The following MICALL2 variants were observed in gnomAD, a reference collection of about 807,000 sequenced individuals.
MICALL2 encodes the protein MICAL like 2, also known as MICAL-like protein 2.
MICALL2 carries 111 observed loss-of-function variants against 91.1 expected under a neutral mutation model. That is an observed-to-expected ratio of 1.22 (90% confidence interval 1.04 to 1.43). The LOEUF is 1.43. MICALL2 is among the 40% of genes most tolerant of loss of function. The pLI, the probability that MICALL2 is intolerant of heterozygous loss-of-function variation, is 0.00. For synonymous variants in MICALL2, 694 were observed against 525.3 expected (o/e 1.32, Z -4.39); for missense variants, 1,556 against 1,236.0 (o/e 1.26, Z -3.88).
rs1780864451 is a variant in MICALL2, at chr7:1,452,320, G to A, written c.144-2032C>T. 1.3e-5 allele frequency among the ~76,000 whole-genome samples: 2 copies of A among 152,148 alleles called. No homozygotes were observed. The highest frequency in any genetic ancestry group is 4.8e-5 in the African/African-American group (2 of 41,436). ...GTCTGCCTGGGCTTGTCCCCCGAGAGGGTGTGACCCGAGGGCACGTGGGTG... is the reference window on the plus strand; with the variant it reads ...GTCTGCCTGGGCTTGTCCCCCGAGAAGGTGTGACCCGAGGGCACGTGGGTG... On this transcript the variant is annotated intron_variant, in intron 1 of 16. Transcript: ENST00000297508. This position sits in a 1 kb window ranked among gnomAD's most constrained non-coding sequence, Gnocchi z 6.2.
At chr7:1,445,754 C>A (rs1780544669) in intron 5 of MICALL2, among the ~76,000 whole-genome samples, 1 of 152,186 alleles carries the variant, frequency 6.6e-6, no homozygotes, top group Non-Finnish European at 1.5e-5. Flanking sequence ...ACCCACAGGC[C>A]ACCCCAGGCC....
chr7:1,451,289 C>A lies in MICALL2; in HGVS notation c.144-1001G>T, dbSNP rs531865793. Among the ~76,000 whole-genome samples, 3 of 152,270 alleles carry A rather than the reference C, an allele frequency of 2.0e-5. No individual in the cohort carries two copies. In the South Asian group the frequency reaches 6.2e-4, roughly 32 times the overall value. ...GAAAACACACCAAGATCCCAGGAGG[C>A]CCCAGCCCAGCCCCAGGCCCTCCGA... On this transcript the variant is annotated intron_variant, in intron 1 of 16. Transcript: ENST00000297508. The surrounding 1 kb of genome is among the most constrained non-coding windows in gnomAD (Gnocchi z 4.5).
chr7:1,455,771 A>G (rs1195790979), intron 1 of MICALL2, among the ~76,000 whole-genome samples: 1 of 152,034 alleles, frequency 6.6e-6, no homozygotes, highest in South Asian at 2.1e-4. Context: ...TGCAGCAGGA[A>G]GGACTAAGGC....
At chr7:1,456,089 C>T (rs1584238101) in intron 1 of MICALL2, among the ~76,000 whole-genome samples, 2 of 151,812 alleles carry the variant, frequency 1.3e-5, no homozygotes, top group South Asian at 4.1e-4. Flanking sequence ...GCTGAGGGCA[C>T]GGGATGGGGG....
Position 1,438,617 on chromosome 7 carries a change from A to G in MICALL2, c.2122+223T>C, listed in dbSNP as rs878961944. On this transcript the variant is annotated intron_variant, in intron 10 of 16. Coordinates refer to ENST00000297508, the MANE Select transcript of MICALL2 (RefSeq NM_182924.4). The stretch of plus-strand genomic sequence containing the variant: ...CAGTCCCTCAAGCTGCCAGAAGCAG[A>G]CATTCCATCATCACCATGAGTCTGT... 28 of 1,420,004 alleles carry G rather than the reference A, an allele frequency of 2.0e-5. No homozygotes were observed. The South Asian group carries it at 4.2e-4, about 21-fold the overall frequency. The allele number at this position is 1,420,004 out of a possible 1,614,324, so 88.0% of individuals were successfully genotyped here.
rs2128523440 is a variant in MICALL2, at chr7:1,446,960, T to C, written c.526-132A>G. The C allele has an allele frequency of 7.5e-6, 5 of 667,596 alleles. No homozygotes were observed. In the Admixed American group the frequency reaches 1.4e-4, roughly 19 times the overall value. 41.4% of individuals were successfully genotyped at this position (667,596 alleles called of 1,614,324 possible). A position where few individuals can be genotyped will look rare whatever the true frequency, so the allele number is the denominator to read the frequency against. On this transcript the variant is annotated intron_variant, in intron 4 of 16. Coordinates refer to ENST00000297508, the MANE Select transcript of MICALL2 (RefSeq NM_182924.4). ...CCAGGAGAGGAGCCGCCAGCAGGGC[T>C]GCGGTCGGGGTCACACCCAGGTGGG...
intron 5 of MICALL2, 182 bp downstream of exon 5, chr7:1,446,520 GGGAGAAGGGGA>G: frequency 1.8e-6 from 1 of 543,650 alleles, no homozygotes; most frequent in Non-Finnish European, 3.3e-6. Flanking sequence ...AGGGAGAAGA[GGGAGAAGGGGA>G]GGAGAGGGGA....
At chr7:1,448,220 G>C (rs1385799044) in intron 3 of MICALL2, among the ~76,000 whole-genome samples, 1 of 152,240 alleles carries the variant, frequency 6.6e-6, no homozygotes, top group Non-Finnish European at 1.5e-5. Flanking sequence ...GGTAGGCCCA[G>C]GAGCTGCCCC....
rs1380769033 is a variant in MICALL2, at chr7:1,450,229, G to A, written c.192+11C>T. 26 of 1,611,352 alleles carry A rather than the reference G, an allele frequency of 1.6e-5. No homozygotes were observed. The highest frequency in any genetic ancestry group is 2.0e-5 in the Non-Finnish European group (24 of 1,179,258). ...TAAGCCAGCTGTGAGGCCGGGGCGGGGGCCACTCACCAGTTTATTGTTTTC... is the reference window on the plus strand; with the variant it reads ...TAAGCCAGCTGTGAGGCCGGGGCGGAGGCCACTCACCAGTTTATTGTTTTC... On this transcript the variant is annotated intron_variant, in intron 2 of 16. Coordinates refer to ENST00000297508, the MANE Select transcript of MICALL2 (RefSeq NM_182924.4).
rs1780735834 is a variant in MICALL2, at chr7:1,449,327, AT to A, written c.193-567del. Among the ~76,000 whole-genome samples the A allele has an allele frequency of 2.0e-5, 3 of 152,178 alleles. No homozygotes were observed. The South Asian group carries it at 6.2e-4, about 32-fold the overall frequency. On this transcript the variant is annotated intron_variant, in intron 2 of 16. Coordinates refer to ENST00000297508, the MANE Select transcript of MICALL2 (RefSeq NM_182924.4). ...TATTTATTTATTTTTATTTATTATT[AT>A]GTTTTTGGAGACAGAGTCTCACTCT... is the stretch of plus-strand genomic sequence containing the variant.
chr7:1,434,980 T>TTGGC, intron 16 of MICALL2, 121 bp downstream of exon 16: 2 of 628,932 alleles, frequency 3.2e-6, no homozygotes, highest in Non-Finnish European at 5.6e-6. Flanking sequence ...GGGGACCCGA[T>TTGGC]ACCCGCCCCC....
rs1445961020 is a variant in MICALL2 at position 1,440,599 on chromosome 7, T to C, written c.1797A>G (p.Pro599=). Residue 599 remains proline (P), a synonymous_variant, in exon 8 of 17, where the codon CCA becomes CCG. Transcript: ENST00000297508. ...ANLKPVDRRS[P]AERTLKPKEP... is the part of the protein sequence containing the mutation. ...CCCCACCCATCCCTAACCTCTCAGC[T>C]GGGCTTCTCCTGTCCACGGGCTTCA... 6 of 1,612,664 alleles carry C rather than the reference T, an allele frequency of 3.7e-6. No homozygotes were observed. The highest frequency in any genetic ancestry group is 5.1e-6 in the Non-Finnish European group (6 of 1,179,898).
intron 9 of MICALL2, 69 bp downstream of exon 9, chr7:1,439,856 C>T (rs755636147): frequency 7.1e-5 from 95 of 1,338,394 alleles, no homozygotes; most frequent in Non-Finnish European, 8.4e-5. Context: ...GGTCCAGTCC[C>T]GGGGCCCCCA....
At chr7:1,438,602 A>G (rs1173124244) in intron 10 of MICALL2, 3 of 1,420,532 alleles carry the variant, frequency 2.1e-6, no homozygotes, top group African/African-American at 1.4e-5. Context: ...CAGTCCCTCA[A>G]GCTGCCAGAA....
chr7:1,438,657 A>G (rs1584199873), intron 10 of MICALL2, 183 bp downstream of exon 10: 1 of 1,425,036 alleles, frequency 7.0e-7, no homozygotes, highest in Non-Finnish European at 9.1e-7. Flanking sequence ...AGGTACTCTG[A>G]AACAGCTAGG....
rs1780812755 is a variant in MICALL2 at position 1,451,152 on chromosome 7, C to T, written c.144-864G>A. On this transcript the variant is annotated intron_variant, in intron 1 of 16. Transcript: ENST00000297508. This position sits in a 1 kb window ranked among gnomAD's most constrained non-coding sequence, Gnocchi z 4.5. ...CCGGGAAGTTCCCGAGGTGAGGTCC[C>T]CGGCCAGCCTGGACAGCAGGGCCCT... Among the ~76,000 whole-genome samples the T allele has an allele frequency of 6.6e-6, 1 of 152,186 alleles. No homozygotes were observed. Among genetic ancestry groups the T allele is most frequent in the Non-Finnish European group, 1.5e-5 (1 of 68,028 alleles).
In MICALL2 at chr7:1,445,435, G is replaced by T. The variant is rs373252218; in HGVS notation, c.642-7C>A. ...GCAGGAGCACTGCTTACACCTGGGGGAGGAAAGGCACAGGAGCCCCAGCTC... is the reference window on the plus strand; with the variant it reads ...GCAGGAGCACTGCTTACACCTGGGGTAGGAAAGGCACAGGAGCCCCAGCTC... On this transcript the variant is annotated splice_polypyrimidine_tract_variant and splice_region_variant and intron_variant, in intron 5 of 16. Transcript: ENST00000297508. 2 of 1,523,632 alleles carry T rather than the reference G, an allele frequency of 1.3e-6. No homozygotes were observed. Among genetic ancestry groups the T allele is most frequent in the African/African-American group, 2.7e-5 (2 of 72,742 alleles). The allele number at this position is 1,523,632 out of a possible 1,614,324, so 94.4% of individuals were successfully genotyped here. A position where few individuals can be genotyped will look rare whatever the true frequency, so the allele number is the denominator to read the frequency against.
At chr7:1,437,233 G>A (rs988578707) in intron 14 of MICALL2, 7 of 500,314 alleles carry the variant, frequency 1.4e-5, no homozygotes, top group African/African-American at 4.1e-5. Flanking sequence ...CCTGACTGCT[G>A]CTACACTAAA....
intron 1 of MICALL2, among the ~76,000 whole-genome samples, chr7:1,453,468 G>A (rs544868127): frequency 7.9e-5 from 12 of 152,224 alleles, no homozygotes; most frequent in South Asian, 2.1e-4. Context: ...ACCTCCGTCC[G>A]GGACGTTGGC....
Sources: gnomAD v4.1 joint callset for allele counts (sites outside exome capture counted in the v4.1 genomes callset) on GRCh38, gnomAD v4.1.1 for gene constraint, Gnocchi (gnomAD v3.1) non-coding constraint, MANE v1.5 for transcripts, NCBI Gene and HGNC (gene_info 2026-07-23, HGNC 2026-07-21) for gene names.